The following RYR2 variants were observed in gnomAD, a reference collection of about 807,000 sequenced individuals.
RYR2 encodes cardiac muscle ryanodine receptor-calcium release channel.
Under a neutral mutation model 601.1 loss-of-function variants are expected in RYR2, and 227 were observed. That is an observed-to-expected ratio of 0.38 (90% CI 0.34 to 0.42). The LOEUF is 0.42. RYR2 is among the 10% of genes least tolerant of loss of function. The probability of loss-of-function intolerance (pLI) is 1.00; values close to 1 mark genes in which losing one functional copy is unlikely to be tolerated. For synonymous variants in RYR2, 2,223 were observed against 2,175.1 expected, an observed-to-expected ratio of 1.02 and a Z score of -0.61; for missense variants, 4,646 against 6,156.5, an observed-to-expected ratio of 0.75 and a Z score of 8.21.
chr1:237,565,047 A>T (rs907951689), intron 27 of RYR2, among the ~76,000 whole-genome samples: 1 of 152,214 alleles, frequency 6.6e-6, no homozygotes, highest in Non-Finnish European at 1.5e-5. Context: ...TTATGCATAA[A>T]GTCTTTCCCA....
At chr1:237,317,911 C>A (rs77784442) in intron 2 of RYR2, among the ~76,000 whole-genome samples, 4,936 of 152,154 alleles carry the variant, frequency 0.032, 175 homozygotes, top group African/African-American at 0.087. Flanking sequence ...TTTATCCTGA[C>A]AACCTCTACA....
intron 19 of RYR2, 93 bp from the exon 20 acceptor site, chr1:237,496,418 A>T: frequency 2.0e-6 from 3 of 1,531,030 alleles, no homozygotes; most frequent in Non-Finnish European, 2.7e-6. Flanking sequence ...AATAAAATTA[A>T]ATGAAATACA....
intron 2 of RYR2, among the ~76,000 whole-genome samples, chr1:237,288,727 A>G (rs1302161901): frequency 6.6e-6 from 1 of 152,004 alleles, no homozygotes; most frequent in African/African-American, 2.4e-5. Context: ...CACTTACCCC[A>G]GGGTACCTGC....
At chr1:237,509,971 G>C (rs1170872058) in intron 23 of RYR2, among the ~76,000 whole-genome samples, 1 of 152,164 alleles carries the variant, frequency 6.6e-6, no homozygotes, top group African/African-American at 2.4e-5. Flanking sequence ...GTGGAGAAGA[G>C]GTGAGAAGCC....
At chr1:237,469,262 A>C in intron 17 of RYR2, 75 bp downstream of exon 17, 6 of 635,070 alleles carry the variant, frequency 9.4e-6, no homozygotes, top group Non-Finnish European at 1.4e-5. Flanking sequence ...TTAAGACAAA[A>C]AAAAAAAAAA....
rs540748869 is a variant in RYR2, at chr1:237,351,782, CT to C, written c.274-4180del. On this transcript the variant is annotated intron_variant, in intron 3 of 104. Transcript: ENST00000366574. Reference sequence around the variant, plus strand: ...GAAACAATAATACCAATCTTAAACTCTTTCATAATACTTCCCAACTGATTTT... The same window carrying C: ...GAAACAATAATACCAATCTTAAACTCTTCATAATACTTCCCAACTGATTTT... Among the ~76,000 whole-genome samples, 70 of 141,402 alleles carry C rather than the reference CT, an allele frequency of 5.0e-4. 1 individual carries two copies. The South Asian group carries it at 0.016, about 32-fold the overall frequency. The allele number at this position is 141,402 out of a possible 152,430, so 92.8% of individuals were successfully genotyped here. A position where few individuals can be genotyped will look rare whatever the true frequency, so the allele number is the denominator to read the frequency against.
chr1:237,278,245 A>ATTT lies in RYR2; in HGVS notation c.168+7653_168+7655dup, dbSNP rs71561863. ...ACTACTATGCCCAGCTAATTTTTGT[A>ATTT]TTTTTTTTTTTTTTTTTTTTTTTTT... On this transcript the variant is annotated intron_variant, in intron 2 of 104. Transcript: ENST00000366574. Among the ~76,000 whole-genome samples, 59 of 67,018 alleles carry ATTT rather than the reference A, an allele frequency of 8.8e-4. 5 individuals carry two copies. Among genetic ancestry groups the ATTT allele is most frequent in the East Asian group, 2.0e-3 (4 of 1,954 alleles). The allele number at this position is 67,018 out of a possible 152,430, so 44.0% of individuals were successfully genotyped here.
At chr1:237,096,970 G>A (rs1187246357) in intron 1 of RYR2, among the ~76,000 whole-genome samples, 4 of 152,218 alleles carry the variant, frequency 2.6e-5, no homozygotes, top group Non-Finnish European at 4.4e-5. Flanking sequence ...AGAGAAAGCT[G>A]TGCAGTCGCC....
At chr1:237,453,565 A>G (rs563428595) in intron 14 of RYR2, among the ~76,000 whole-genome samples, 2 of 152,308 alleles carry the variant, frequency 1.3e-5, no homozygotes, top group South Asian at 2.1e-4. Flanking sequence ...TAATATTTCT[A>G]TGCATTAACA....
intron 20 of RYR2, among the ~76,000 whole-genome samples, chr1:237,497,470 T>C (rs2618697): frequency 0.35 from 53,164 of 152,086 alleles, 11,369 homozygotes; most frequent in East Asian, 0.5. Context: ...ATTATGTAGA[T>C]TTTTTAGATG....
intron 2 of RYR2, among the ~76,000 whole-genome samples, chr1:237,323,337 T>A (rs1695816169): frequency 6.6e-6 from 1 of 152,140 alleles, no homozygotes; most frequent in Non-Finnish European, 1.5e-5. Flanking sequence ...AAGTCTCTTT[T>A]CTGCTTTGTC....
chr1:237,817,529 T>C (rs1260062956), intron 100 of RYR2, among the ~76,000 whole-genome samples: 1 of 152,106 alleles, frequency 6.6e-6, no homozygotes, highest in Non-Finnish European at 1.5e-5. Context: ...TGGAATGAGA[T>C]AGACACCAAA....
rs1157283716 is a variant in RYR2 at position 237,180,690 on chromosome 1, GTATATA to G, written c.49-89804_49-89799del. ...TACATGTGTATATATGTGTATATATGTATATATAAGTATATATACACATATATACAT... is the reference window on the plus strand; with the variant it reads ...TACATGTGTATATATGTGTATATATGTAAGTATATATACACATATATACAT... On this transcript the variant is annotated intron_variant, in intron 1 of 104. Transcript: ENST00000366574. This position sits in a 1 kb window ranked among gnomAD's most constrained non-coding sequence, Gnocchi z 5.3. 1.7e-5 allele frequency among the ~76,000 whole-genome samples: 1 copy of G among 60,506 alleles called. No homozygotes were observed. Among genetic ancestry groups the G allele is most frequent in the East Asian group, 8.6e-4 (1 of 1,160 alleles). 39.7% of individuals were successfully genotyped at this position (60,506 alleles called of 152,430 possible). A position where few individuals can be genotyped will look rare whatever the true frequency, so the allele number is the denominator to read the frequency against.
At chr1:237,169,018 T>C (rs994095296) in intron 1 of RYR2, among the ~76,000 whole-genome samples, 1 of 152,206 alleles carries the variant, frequency 6.6e-6, no homozygotes, top group Non-Finnish European at 1.5e-5. Context: ...GACAATTGCT[T>C]TCATCTTTAG....
Position 237,277,266 on chromosome 1 carries a change from A to C in RYR2, c.168+6650A>C, listed in dbSNP as rs530978364. On this transcript the variant is annotated intron_variant, in intron 2 of 104. Coordinates refer to ENST00000366574, the MANE Select transcript of RYR2 (RefSeq NM_001035.3). ...CTCCTTAACATTATTTTATAAGCGC[A>C]TGTGCACACACACGCTTCAGTTCAA... Among the ~76,000 whole-genome samples, 5 of 152,326 alleles carry C rather than the reference A, an allele frequency of 3.3e-5. No individual in the cohort carries two copies. The South Asian group carries it at 8.3e-4, about 25-fold the overall frequency.
At chr1:237,257,709 T>C (rs16835058) in intron 1 of RYR2, among the ~76,000 whole-genome samples, 6,123 of 152,132 alleles carry the variant, frequency 0.04, 393 homozygotes, top group African/African-American at 0.14. Flanking sequence ...TAAGCAGTTA[T>C]AGAGTGTGAT....
chr1:237,405,556 T>A (rs1184469249), intron 10 of RYR2, among the ~76,000 whole-genome samples: 1 of 152,216 alleles, frequency 6.6e-6, no homozygotes, highest in East Asian at 1.9e-4. Flanking sequence ...TTCAAATATA[T>A]CAACCTTAAT....
At position 237,641,392 on chromosome 1, in the gene RYR2, G is replaced by A. The variant is rs184573679; in HGVS notation, c.7221+390G>A. 2.6e-4 allele frequency among the ~76,000 whole-genome samples: 40 copies of A among 152,224 alleles called. No homozygotes were observed. In the East Asian group the frequency reaches 6.6e-3, roughly 25 times the overall value. The stretch of plus-strand genomic sequence containing the variant: ...TATTTAGCTCTATGTGTTTGCCATC[G>A]TTTTAGGGGAAAGTGAGAGGGAAGG... On this transcript the variant is annotated intron_variant, in intron 47 of 104. Coordinates refer to ENST00000366574, the MANE Select transcript of RYR2 (RefSeq NM_001035.3).
In RYR2 at chr1:237,590,661, A is replaced by G. The variant is rs766263658; in HGVS notation, c.3829A>G (p.Ile1277Val). The G allele has an allele frequency of 4.5e-6, 7 of 1,555,038 alleles. No homozygotes were observed. The highest frequency in any genetic ancestry group is 1.9e-5 in the Admixed American group (1 of 53,258). ...CTAGGTGACCAGAATAGACGGCACCATAGACAGTTCCCCATGTTTAAAGGT... is the reference window on the plus strand; with the variant it reads ...CTAGGTGACCAGAATAGACGGCACCGTAGACAGTTCCCCATGTTTAAAGGT... ...HIEVTRIDGTIDSSPCLKVTQ... is the reference protein window; with the variant it reads ...HIEVTRIDGTVDSSPCLKVTQ... Residue 1277 changes from isoleucine to valine, a missense_variant, in exon 31 of 105, where the codon ATA becomes GTA. Physicochemically the swap from Ile to Val is conservative, Grantham distance 29. Coordinates refer to ENST00000366574, the MANE Select transcript of RYR2 (RefSeq NM_001035.3).
Sources: gnomAD v4.1 joint callset for allele counts (sites outside exome capture counted in the v4.1 genomes callset) on GRCh38, gnomAD v4.1.1 for gene constraint, Gnocchi (gnomAD v3.1) non-coding constraint, MANE v1.5 for transcripts, NCBI Gene and HGNC (gene_info 2026-07-23, HGNC 2026-07-21) for gene names.